The following ANTXR2 variants were observed in gnomAD, a reference collection of about 807,000 sequenced individuals.
ANTXR2 encodes the protein ANTXR cell adhesion molecule 2.
ANTXR2 carries 44 observed loss-of-function variants against 73.7 expected under a neutral mutation model. The observed-to-expected ratio is 0.60, with a 90% CI of 0.47 to 0.77. The LOEUF is 0.77. Ranked by LOEUF, ANTXR2 falls within the 30% of genes least tolerant of loss-of-function variation. The pLI, the probability that ANTXR2 is intolerant of heterozygous loss-of-function variation, is 0.00. For missense variants in ANTXR2, 604 were observed against 592.5 expected (o/e 1.02, Z -0.20); for synonymous variants, 217 against 205.9 (o/e 1.05, Z -0.46).
rs1726868548 is a variant in ANTXR2 at position 79,905,552 on chromosome 4, A to G, written c.*1877T>C. 2 of 152,236 alleles carry G rather than the reference A, an allele frequency of 1.3e-5. No individual in the cohort carries two copies. The highest frequency in any genetic ancestry group is 4.8e-5 in the African/African-American group (2 of 41,466). The allele number at this position is 152,236 out of a possible 1,614,324, so 9.4% of individuals were successfully genotyped here. On this transcript the variant is annotated 3_prime_UTR_variant, in exon 17 of 17. Transcript: ENST00000403729. ...GAAGGCATTAGCTTTATGTGGGCTT[A>G]AAGAAATGGTAGCACAGGCATAGGT...
At chr4:79,927,160 C>G (rs1028717627) in intron 16 of ANTXR2, among the ~76,000 whole-genome samples, 2 of 151,068 alleles carry the variant, frequency 1.3e-5, no homozygotes, top group Admixed American at 6.6e-5. Flanking sequence ...GGCAAGCGAA[C>G]AAAAACAGAC....
intron 14 of ANTXR2, among the ~76,000 whole-genome samples, chr4:79,981,716 C>T (rs558068187): frequency 1.3e-5 from 2 of 152,258 alleles, no homozygotes; most frequent in East Asian, 3.9e-4. Context: ...CGTGTTTCCC[C>T]TTTGTAACAT....
intron 16 of ANTXR2, among the ~76,000 whole-genome samples, chr4:79,943,732 T>C (rs188724489): frequency 7.2e-6 from 1 of 138,592 alleles, no homozygotes. Context: ...ACTTAGAGTA[T>C]AATAAAAAAA....
chr4:80,018,671 T>A (rs751574803), intron 11 of ANTXR2, among the ~76,000 whole-genome samples: 4 of 152,126 alleles, frequency 2.6e-5, no homozygotes, highest in Non-Finnish European at 5.9e-5. Context: ...TCTATAAGTA[T>A]GAAAATCAAA....
At position 79,902,834 on chromosome 4, in the gene ANTXR2, T is replaced by G. The variant is rs1475505423; in HGVS notation, c.*4595A>C. ...TATGAGATACAAAAATACTAAAACC[T>G]CCAACCTAACCATATTAATAGAAAT... On this transcript the variant is annotated 3_prime_UTR_variant, in exon 17 of 17. Transcript: ENST00000403729. The G allele has an allele frequency of 6.6e-6, 1 of 151,688 alleles. No individual in the cohort carries two copies. The highest frequency in any genetic ancestry group is 1.9e-4 in the East Asian group (1 of 5,166). 9.4% of individuals were successfully genotyped at this position (151,688 alleles called of 1,614,324 possible).
intron 3 of ANTXR2, among the ~76,000 whole-genome samples, chr4:80,065,190 A>T (rs2110119398): frequency 6.6e-6 from 1 of 152,338 alleles, no homozygotes; most frequent in Non-Finnish European, 1.5e-5. Flanking sequence ...ATAATATTTA[A>T]CAGAACTGAG....
At chr4:79,964,141 T>G (rs1348861179) in intron 16 of ANTXR2, among the ~76,000 whole-genome samples, 1 of 152,206 alleles carries the variant, frequency 6.6e-6, no homozygotes, top group Non-Finnish European at 1.5e-5. Context: ...ATACACACTT[T>G]TATGTCTGCT....
chr4:79,994,850 A>G (rs1299607726), intron 12 of ANTXR2, among the ~76,000 whole-genome samples: 2 of 152,024 alleles, frequency 1.3e-5, no homozygotes, highest in Non-Finnish European at 2.9e-5. Flanking sequence ...CCCCTTTTGC[A>G]GCACATAAAC....
intron 14 of ANTXR2, 56 bp from the exon 15 acceptor site, chr4:79,978,230 G>T: frequency 6.5e-7 from 1 of 1,534,330 alleles, no homozygotes; most frequent in Non-Finnish European, 8.9e-7. Flanking sequence ...AGAGGAACAG[G>T]CTCTTATTGA....
chr4:79,999,558 T>C (rs1490857816), intron 12 of ANTXR2, among the ~76,000 whole-genome samples: 2 of 152,062 alleles, frequency 1.3e-5, no homozygotes, highest in East Asian at 3.9e-4. Context: ...TATCCCATAA[T>C]AATTATTCTA....
At chr4:79,980,938 AAAAAG>A (rs766135056) in intron 14 of ANTXR2, among the ~76,000 whole-genome samples, 10,106 of 147,970 alleles carry the variant, frequency 0.068, 411 homozygotes, top group Middle Eastern at 0.11. Context: ...AAAAAAAAAA[AAAAAG>A]AGAAGTACCT....
intron 3 of ANTXR2, among the ~76,000 whole-genome samples, chr4:80,058,063 T>A (rs1241345407): frequency 6.6e-6 from 1 of 152,084 alleles, no homozygotes; most frequent in Non-Finnish European, 1.5e-5. Flanking sequence ...TGAGTGGCAG[T>A]GTGTCTTTGA....
chr4:79,934,976 G>A (rs1253411782), intron 16 of ANTXR2, among the ~76,000 whole-genome samples: 1 of 151,972 alleles, frequency 6.6e-6, no homozygotes, highest in Non-Finnish European at 1.5e-5. Flanking sequence ...ATAGCATTAG[G>A]AGATATACCT....
intron 12 of ANTXR2, among the ~76,000 whole-genome samples, chr4:79,997,780 G>A (rs1730798617): frequency 6.6e-6 from 1 of 151,918 alleles, no homozygotes; most frequent in Non-Finnish European, 1.5e-5. Context: ...AGTGTATTCT[G>A]CCAGGAGTTA....
At chr4:79,978,856 A>G (rs1729760522) in intron 14 of ANTXR2, among the ~76,000 whole-genome samples, 1 of 152,234 alleles carries the variant, frequency 6.6e-6, no homozygotes, top group Non-Finnish European at 1.5e-5. Context: ...TAAGGCAAAA[A>G]GTATGATCTG....
intron 12 of ANTXR2, among the ~76,000 whole-genome samples, chr4:79,988,229 T>TTA (rs70944756): frequency 2.3e-3 from 157 of 68,094 alleles, no homozygotes; most frequent in Non-Finnish European, 2.8e-3. Context: ...CACATAAATT[T>TTA]TATATATATA....
In ANTXR2 at chr4:79,993,324, AG is replaced by A. The variant is rs375240438; in HGVS notation, c.1042-8462del. On this transcript the variant is annotated intron_variant, in intron 12 of 16. Coordinates refer to ENST00000403729, the MANE Select transcript of ANTXR2 (RefSeq NM_058172.6). ...TTAGGAGGAAAAAAAGAAGGAAAAA[AG>A]GGAGAGAAGAGAGGAAGAAACAAAT... Among the ~76,000 whole-genome samples the A allele has an allele frequency of 1.5e-3, 232 of 151,942 alleles. 1 individual carries two copies. Among genetic ancestry groups the A allele is most frequent in the African/African-American group, 5.5e-3 (227 of 41,488 alleles).
intron 14 of ANTXR2, 93 bp from the exon 15 acceptor site, chr4:79,978,267 A>C: frequency 7.6e-5 from 91 of 1,191,032 alleles, no homozygotes; most frequent in Non-Finnish European, 9.3e-5. Context: ...TTCACATCTC[A>C]GAGTGAAAAA....
chr4:79,973,872 C>A (rs984062343), intron 16 of ANTXR2, among the ~76,000 whole-genome samples: 5 of 152,050 alleles, frequency 3.3e-5, no homozygotes, highest in Non-Finnish European at 4.4e-5. Context: ...TCACATAAAA[C>A]CTCAGTCTAA....
Sources: allele counts gnomAD v4.1 joint callset (sites outside exome capture counted in the v4.1 genomes callset), GRCh38; gene constraint gnomAD v4.1.1; transcripts MANE v1.5; gene names NCBI Gene and HGNC (gene_info 2026-07-23, HGNC 2026-07-21).